Variants in PLCG2 observed in about 807,000 individuals in gnomAD.
PLCG2 encodes the protein phospholipase C gamma 2, also known as 1-phosphatidylinositol 4,5-bisphosphate phosphodiesterase gamma-2.
A neutral mutation model predicts 175.6 loss-of-function variants in PLCG2; 69 were observed. That is an observed-to-expected ratio of 0.39 (90% CI 0.32 to 0.48). The LOEUF is 0.48. Ranked by LOEUF, PLCG2 falls within the 20% of genes least tolerant of loss-of-function variation. The probability of loss-of-function intolerance (pLI) is 0.91; values close to 1 mark genes in which losing one functional copy is unlikely to be tolerated. For missense variants in PLCG2, 1,798 were observed against 1,650.9 expected, an observed-to-expected ratio of 1.09 and a Z score of -1.54; for synonymous variants, 827 against 624.0, an observed-to-expected ratio of 1.33 and a Z score of -4.85.
At position 81,869,259 on chromosome 16, in the gene PLCG2, T is replaced by C; in HGVS notation, c.525T>C (p.Phe175=). Residue 175 remains phenylalanine (F), a synonymous_variant, in exon 6 of 33, where the codon TTT becomes TTC. Transcript: ENST00000564138. ...AGACCATCTTGCCCCTGATCAACTT[T>C]AAAGTGAGCAGTGCCAAGTTCCTTA... ...ELKTILPLIN[F]KVSSAKFLKD... is the part of the protein sequence containing the mutation. 1.2e-6 allele frequency: 2 copies of C among 1,614,038 alleles called. No individual in the cohort carries two copies. Among genetic ancestry groups the C allele is most frequent in the South Asian group, 1.1e-5 (1 of 91,082 alleles).
At chr16:81,755,532 C>G (rs745513220) in intron 1 of PLCG2, among the ~76,000 whole-genome samples, 25 of 150,920 alleles carry the variant, frequency 1.7e-4, no homozygotes, top group Non-Finnish European at 2.8e-4. Flanking sequence ...ACGTCAGCTT[C>G]TCTTATTTTT....
chr16:81,755,891 C>G (rs1346482966), exon 2 of PLCG2: 1 of 152,284 alleles, frequency 6.6e-6, no homozygotes, highest in African/African-American at 2.4e-5. Flanking sequence ...GTACCCCTCA[C>G]TCAAGCTCCA....
At chr16:81,822,959 G>A (rs1028580491) in intron 2 of PLCG2, among the ~76,000 whole-genome samples, 7 of 152,220 alleles carry the variant, frequency 4.6e-5, no homozygotes, top group Non-Finnish European at 8.8e-5. Flanking sequence ...GAAGGAGCCA[G>A]TGCTGCCGAC....
In PLCG2 at chr16:81,910,568, C is replaced by T. The variant is rs752950221; in HGVS notation, c.1782C>T (p.Gly594=). ...GCCGGATCCGCTCCACCATGGAGGG[C>T]GGGACCCTGAAATACTACTTGACTG... ...QHCRIRSTME[G]GTLKYYLTDN... Residue 594 remains glycine (G), a synonymous_variant, in exon 18 of 33, where the codon GGC becomes GGT. Transcript: ENST00000564138. 15 of 1,613,992 alleles carry T rather than the reference C, an allele frequency of 9.3e-6. No homozygotes were observed. Among genetic ancestry groups the T allele is most frequent in the East Asian group, 2.2e-5 (1 of 44,896 alleles).
intron 2 of PLCG2, among the ~76,000 whole-genome samples, chr16:81,756,887 G>C (rs1229591451): frequency 1.3e-5 from 2 of 152,116 alleles, no homozygotes; most frequent in African/African-American, 4.8e-5. Flanking sequence ...CCCACAGCCT[G>C]GGGCACAGGC....
At chr16:81,899,606 CA>C (rs1444110961) in intron 13 of PLCG2, among the ~76,000 whole-genome samples, 1 of 152,120 alleles carries the variant, frequency 6.6e-6, no homozygotes, top group East Asian at 1.9e-4. Context: ...GTGTCCTCAC[CA>C]TCTGTTGACT....
chr16:81,767,136 GTTTTTTTTTTTTTTTTT>G (rs66799783), intron 2 of PLCG2, among the ~76,000 whole-genome samples: 1 of 71,726 alleles, frequency 1.4e-5, no homozygotes, highest in African/African-American at 5.9e-5. Flanking sequence ...TAAACTCGTG[GTTTTTTTTTTTTTTTTT>G]TTTTTTTTTG....
At chr16:81,740,375 C>G (rs530638408) in intron 1 of PLCG2, 11 of 152,256 alleles carry the variant, frequency 7.2e-5, no homozygotes, top group African/African-American at 1.7e-4. Context: ...GTCACAGGGT[C>G]AAGGGTGAGC....
At chr16:81,861,123 G>C (rs906093256) in intron 5 of PLCG2, among the ~76,000 whole-genome samples, 3 of 152,094 alleles carry the variant, frequency 2.0e-5, no homozygotes, top group Non-Finnish European at 4.4e-5. Flanking sequence ...GGATTGCATT[G>C]AGCTCTTCAG....
At chr16:81,940,930 C>G (rs1193981260) in intron 30 of PLCG2, among the ~76,000 whole-genome samples, 3 of 152,140 alleles carry the variant, frequency 2.0e-5, no homozygotes, top group Admixed American at 6.5e-5. Context: ...TTTAGTATTT[C>G]TGATGCATGG....
intron 19 of PLCG2, among the ~76,000 whole-genome samples, chr16:81,917,164 G>A (rs568632887): frequency 1.3e-4 from 19 of 150,526 alleles, no homozygotes; most frequent in Non-Finnish European, 2.5e-4. Context: ...TCTGTGCCTG[G>A]TTTATTTCAC....
chr16:81,899,593 C>T (rs1464547182), intron 13 of PLCG2, among the ~76,000 whole-genome samples: 1 of 152,168 alleles, frequency 6.6e-6, no homozygotes, highest in Non-Finnish European at 1.5e-5. Flanking sequence ...AAAGCTTCAA[C>T]AAGTGTCCTC....
At chr16:81,948,096 A>G (rs1467282749) in intron 31 of PLCG2, among the ~76,000 whole-genome samples, 3 of 152,226 alleles carry the variant, frequency 2.0e-5, no homozygotes, top group Non-Finnish European at 4.4e-5. Flanking sequence ...TATAAATAAT[A>G]TAGGTCTTCA....
At chr16:81,952,535 A>C (rs987707662) in intron 31 of PLCG2, among the ~76,000 whole-genome samples, 1 of 152,238 alleles carries the variant, frequency 6.6e-6, no homozygotes, top group Non-Finnish European at 1.5e-5. Flanking sequence ...AGTGCTGAAA[A>C]AATGGTGGAA....
At chr16:81,829,699 A>G (rs909741117) in intron 2 of PLCG2, among the ~76,000 whole-genome samples, 1 of 151,994 alleles carries the variant, frequency 6.6e-6, no homozygotes, top group Non-Finnish European at 1.5e-5. Flanking sequence ...ATTTCCATCG[A>G]TATGTAGAGG....
intron 3 of PLCG2, 145 bp from the exon 4 acceptor site, chr16:81,858,118 A>C: frequency 7.2e-6 from 2 of 276,936 alleles, no homozygotes; most frequent in Non-Finnish European, 1.5e-5. Context: ...TGACGGTGTG[A>C]AAGGGGATGC....
In PLCG2 at chr16:81,956,948, G is replaced by A. The variant is rs894141361; in HGVS notation, c.3755+69G>A. ...AGGCACGGTGATGATGGGCACCACG[G>A]GCCAGGCTTCTGGAAAGCCCTCTGA... On this transcript the variant is annotated intron_variant, in intron 32 of 32. Transcript: ENST00000564138. The A allele has an allele frequency of 4.0e-5, 54 of 1,355,220 alleles. No individual in the cohort carries two copies. The African/African-American group carries it at 7.2e-4, about 18-fold the overall frequency. The allele number at this position is 1,355,220 out of a possible 1,614,324, so 83.9% of individuals were successfully genotyped here.
At chr16:81,936,936 C>A (rs1171847366) in intron 27 of PLCG2, among the ~76,000 whole-genome samples, 3 of 151,834 alleles carry the variant, frequency 2.0e-5, no homozygotes, top group African/African-American at 7.3e-5. Context: ...AATAAGTCCC[C>A]GTGGAGGCAC....
intron 2 of PLCG2, among the ~76,000 whole-genome samples, chr16:81,760,419 G>A (rs1910013419): frequency 6.6e-6 from 1 of 152,156 alleles, no homozygotes; most frequent in Admixed American, 6.5e-5. Flanking sequence ...CTTGTTGGTG[G>A]CTTTTGGACA....
Sources: allele counts gnomAD v4.1 joint callset (sites outside exome capture counted in the v4.1 genomes callset), GRCh38; gene constraint gnomAD v4.1.1; transcripts MANE v1.5; gene names NCBI Gene and HGNC (gene_info 2026-07-23, HGNC 2026-07-21).